LYPD6B: variants seen among roughly 807,000 people sequenced by gnomAD.
The protein encoded by LYPD6B is ly6/PLAUR domain-containing protein 6B.
In LYPD6B, 17 loss-of-function variants were observed where a neutral mutation model predicts 22.8. The ratio of observed to expected loss-of-function variants is 0.75; its 90% confidence interval spans 0.51 to 1.12. LYPD6B has a LOEUF of 1.12. LYPD6B is among the 50% of genes most tolerant of loss of function. The probability of loss-of-function intolerance (pLI) is 0.00; values close to 1 mark genes in which losing one functional copy is unlikely to be tolerated. For missense variants in LYPD6B, 221 were observed against 258.3 expected, an observed-to-expected ratio of 0.86 and a Z score of 0.99; for synonymous variants, 106 against 91.6, an observed-to-expected ratio of 1.16 and a Z score of -0.90.
At chr2:149,187,381 G>A in intron 3 of LYPD6B, 1 of 1,461,382 alleles carries the variant, frequency 6.8e-7, no homozygotes, top group East Asian at 2.7e-5. Flanking sequence ...GCTCTGCCAT[G>A]GTCCCATGAC....
chr2:149,053,384 T>C (rs1451121990), intron 1 of LYPD6B, among the ~76,000 whole-genome samples: 1 of 152,214 alleles, frequency 6.6e-6, no homozygotes, highest in Non-Finnish European at 1.5e-5. Context: ...ATTTTGATAC[T>C]ATAAACAACA....
At chr2:149,140,993 G>A (rs141954113) in intron 2 of LYPD6B, among the ~76,000 whole-genome samples, 175 of 152,296 alleles carry the variant, frequency 1.1e-3, no homozygotes, top group Admixed American at 2.6e-3. Context: ...CCTACTGTGT[G>A]CTATAGGTAC....
At chr2:149,099,134 G>A (rs1301599754) in intron 1 of LYPD6B, among the ~76,000 whole-genome samples, 1 of 152,072 alleles carries the variant, frequency 6.6e-6, no homozygotes, top group African/African-American at 2.4e-5. Flanking sequence ...CTTCAGAGAG[G>A]GACACAGGCA....
intron 1 of LYPD6B, among the ~76,000 whole-genome samples, chr2:149,056,870 AC>A (rs1433783849): frequency 6.6e-6 from 1 of 152,194 alleles, no homozygotes. Flanking sequence ...CAAGGAGGGT[AC>A]GTTATCCGAC....
At chr2:149,197,945 C>T (rs1692921045) in intron 3 of LYPD6B, among the ~76,000 whole-genome samples, 1 of 152,152 alleles carries the variant, frequency 6.6e-6, no homozygotes, top group African/African-American at 2.4e-5. Flanking sequence ...AGGTTCCTAC[C>T]ATTTGTCCAA....
At chr2:149,091,809 G>A (rs544780717) in intron 1 of LYPD6B, among the ~76,000 whole-genome samples, 6 of 152,132 alleles carry the variant, frequency 3.9e-5, no homozygotes, top group Non-Finnish European at 8.8e-5. Context: ...AGAAGTTACA[G>A]GCCTTTGTAG....
At chr2:149,211,477 T>G (rs2106176887) in intron 5 of LYPD6B, among the ~76,000 whole-genome samples, 1 of 152,278 alleles carries the variant, frequency 6.6e-6, no homozygotes, top group South Asian at 2.1e-4. Flanking sequence ...ATGACTTACC[T>G]TAAGGCTTAT....
At chr2:149,186,146 T>A (rs989255919) in intron 3 of LYPD6B, among the ~76,000 whole-genome samples, 1 of 152,218 alleles carries the variant, frequency 6.6e-6, no homozygotes, top group Non-Finnish European at 1.5e-5. Flanking sequence ...GAGGAAGGCG[T>A]GTCAAAAGCG....
intron 1 of LYPD6B, among the ~76,000 whole-genome samples, chr2:149,105,798 A>T (rs1686444198): frequency 6.6e-6 from 1 of 152,046 alleles, no homozygotes; most frequent in South Asian, 2.1e-4. Context: ...CTTTGTCTTG[A>T]CTTATTGCAC....
chr2:149,130,308 A>C (rs1687946403), intron 1 of LYPD6B, among the ~76,000 whole-genome samples: 1 of 152,072 alleles, frequency 6.6e-6, no homozygotes, highest in Non-Finnish European at 1.5e-5. Flanking sequence ...ATGCCTTTTG[A>C]AGGGGAGGAG....
intron 1 of LYPD6B, among the ~76,000 whole-genome samples, chr2:149,121,739 G>C (rs1236576971): frequency 6.6e-6 from 1 of 152,146 alleles, no homozygotes; most frequent in Admixed American, 6.5e-5. Context: ...ACCTGCCGGG[G>C]CCAGGGCTGT....
At chr2:149,126,675 C>T (rs557182887) in intron 1 of LYPD6B, among the ~76,000 whole-genome samples, 2 of 152,244 alleles carry the variant, frequency 1.3e-5, no homozygotes, top group African/African-American at 4.8e-5. Context: ...CTGTGTCGTT[C>T]AAGGGTCAAC....
chr2:149,051,790 T>G (rs563466616), intron 1 of LYPD6B, among the ~76,000 whole-genome samples: 66 of 151,702 alleles, frequency 4.4e-4, no homozygotes, highest in Admixed American at 2.7e-3. Context: ...CTCAGCCTCC[T>G]GTGTAGCTGG....
intron 1 of LYPD6B, among the ~76,000 whole-genome samples, chr2:149,116,443 A>T (rs150399828): frequency 1.8e-3 from 271 of 152,292 alleles, no homozygotes; most frequent in African/African-American, 6.4e-3. Context: ...TGCTGTAGGT[A>T]TAAAGAATTC....
intron 3 of LYPD6B, among the ~76,000 whole-genome samples, chr2:149,187,035 G>T (rs1692157103): frequency 6.6e-6 from 1 of 152,188 alleles, no homozygotes; most frequent in African/African-American, 2.4e-5. Flanking sequence ...AGGCTCAGAT[G>T]ATAGGTAGCA....
Position 149,167,487 on chromosome 2 carries a change from T to G in LYPD6B, c.77+6652T>G, listed in dbSNP as rs552574845. 3.9e-5 allele frequency among the ~76,000 whole-genome samples: 6 copies of G among 152,292 alleles called. No individual in the cohort carries two copies. The East Asian group carries it at 7.7e-4, about 20-fold the overall frequency. On this transcript the variant is annotated intron_variant, in intron 3 of 6. Transcript: ENST00000409642. ...TGGCTTTTGCTAACATTGCCTTTTT[T>G]GGGGCACTAGTGGTGCCCAGGAGAA...
At chr2:149,184,535 C>G (rs1358656620) in intron 3 of LYPD6B, among the ~76,000 whole-genome samples, 1 of 152,156 alleles carries the variant, frequency 6.6e-6, no homozygotes, top group Non-Finnish European at 1.5e-5. Flanking sequence ...TTTGATATAC[C>G]ACTACCTAGT....
In LYPD6B at chr2:149,120,395, T is replaced by A. The variant is rs1162515019; in HGVS notation, c.-66-10488T>A. Among the ~76,000 whole-genome samples the A allele has an allele frequency of 8.5e-5, 9 of 106,168 alleles. 1 individual carries two copies. Among genetic ancestry groups the A allele is most frequent in the South Asian group, 3.1e-4 (1 of 3,218 alleles). 69.7% of individuals were successfully genotyped at this position (106,168 alleles called of 152,430 possible). On this transcript the variant is annotated intron_variant, in intron 1 of 6. Coordinates refer to ENST00000409642, the MANE Select transcript of LYPD6B (RefSeq NM_177964.5). ...TATATATATATATATTTTTTTTTTTTTTTTTTTGAGATGGAGTCTTGCTAT... is the reference window on the plus strand; with the variant it reads ...TATATATATATATATTTTTTTTTTTATTTTTTTGAGATGGAGTCTTGCTAT...
intron 2 of LYPD6B, among the ~76,000 whole-genome samples, chr2:149,131,752 T>A (rs987331428): frequency 2.0e-5 from 3 of 152,188 alleles, no homozygotes. Flanking sequence ...AGTCAGTCTC[T>A]TGTGTGACTG....
Sources: gnomAD v4.1 joint callset for allele counts (sites outside exome capture counted in the v4.1 genomes callset) on GRCh38, gnomAD v4.1.1 for gene constraint, MANE v1.5 for transcripts, NCBI Gene and HGNC (gene_info 2026-07-23, HGNC 2026-07-21) for gene names.